The following VWA3B variants were observed in gnomAD, a reference collection of about 807,000 sequenced individuals.
The protein encoded by VWA3B is von Willebrand factor A domain-containing protein 3B.
Under a neutral mutation model 158.3 loss-of-function variants are expected in VWA3B, and 138 were observed. The observed-to-expected ratio is 0.87, with a 90% confidence interval of 0.76 to 1.00. VWA3B has a LOEUF of 1.00. VWA3B is among the 50% of genes least tolerant of loss of function. The pLI is 0.00. For missense variants in VWA3B, 1,555 were observed against 1,565.1 expected, an observed-to-expected ratio of 0.99 and a Z score of 0.11; for synonymous variants, 596 against 587.3, an observed-to-expected ratio of 1.01 and a Z score of -0.21.
intron 7 of VWA3B, among the ~76,000 whole-genome samples, chr2:98,162,023 T>C (rs960095511): frequency 4.6e-5 from 7 of 152,174 alleles, no homozygotes; most frequent in African/African-American, 1.4e-4. Context: ...CATCTATTCT[T>C]TACCCACTTT....
chr2:98,276,475 A>G (rs1340315486), intron 22 of VWA3B, among the ~76,000 whole-genome samples: 1 of 152,266 alleles, frequency 6.6e-6, no homozygotes, highest in African/African-American at 2.4e-5. Flanking sequence ...ATGGATGAGT[A>G]TAAATTGCCA....
rs549305094 is a variant in VWA3B at position 98,238,468 on chromosome 2, G to T, written c.2673+1738G>T. Among the ~76,000 whole-genome samples the T allele has an allele frequency of 3.9e-5, 6 of 152,168 alleles. No individual in the cohort carries two copies. The East Asian group carries it at 1.2e-3, about 29-fold the overall frequency. ...ATATTACTATTCTTGAGTTTTATTT[G>T]GGACGAAATATATTTAGTGAACTCT... On this transcript the variant is annotated intron_variant, in intron 19 of 27. Transcript: ENST00000477737.
chr2:98,319,904 ACACACT>A, the VWA3B span, among the ~76,000 whole-genome samples: 3 of 149,106 alleles, frequency 2.0e-5, no homozygotes, highest in South Asian at 6.3e-4. Context: ...ACACACACAC[ACACACT>A]CACACAACAA....
At chr2:98,198,700 T>C (rs954190074) in intron 12 of VWA3B, among the ~76,000 whole-genome samples, 2 of 152,152 alleles carry the variant, frequency 1.3e-5, no homozygotes, top group Admixed American at 6.6e-5. Context: ...TCCCTCCTGG[T>C]AAACACTGCT....
At chr2:98,194,129 T>C (rs553984708) in intron 11 of VWA3B, among the ~76,000 whole-genome samples, 1 of 152,334 alleles carries the variant, frequency 6.6e-6, no homozygotes, top group African/African-American at 2.4e-5. Flanking sequence ...ACATATATAA[T>C]GTATATTCAT....
chr2:98,188,177 A>G (rs1357246615), intron 10 of VWA3B, 48 bp downstream of exon 10: 3 of 1,573,258 alleles, frequency 1.9e-6, no homozygotes, highest in African/African-American at 2.7e-5. Context: ...CGCTCTGGAC[A>G]TTCTCATCTG....
At chr2:98,284,413 A>G (rs1689050987) in intron 22 of VWA3B, among the ~76,000 whole-genome samples, 1 of 152,202 alleles carries the variant, frequency 6.6e-6, no homozygotes, top group Non-Finnish European at 1.5e-5. Flanking sequence ...GAGCCCACTT[A>G]TTTCCAGAAC....
chr2:98,118,033 G>A (rs761387204), intron 3 of VWA3B, among the ~76,000 whole-genome samples: 4 of 152,182 alleles, frequency 2.6e-5, no homozygotes. Context: ...CATCATGCCA[G>A]GTCCAGCTTA....
intron 16 of VWA3B, among the ~76,000 whole-genome samples, chr2:98,231,908 G>A (rs1176682929): frequency 1.3e-5 from 2 of 152,014 alleles, no homozygotes; most frequent in Non-Finnish European, 2.9e-5. Flanking sequence ...ATTTTGTTGA[G>A]GATTTTGGTA....
chr2:98,264,173 TC>T (rs1012891994), intron 21 of VWA3B, among the ~76,000 whole-genome samples: 9 of 151,054 alleles, frequency 6.0e-5, no homozygotes, highest in African/African-American at 1.9e-4. Flanking sequence ...GTAGGTCTTT[TC>T]AAAAAAAAAC....
chr2:98,236,894 A>T, intron 19 of VWA3B, 164 bp downstream of exon 19: 5 of 1,063,852 alleles, frequency 4.7e-6, no homozygotes, highest in Non-Finnish European at 5.3e-6. Context: ...GCTTTTAAGA[A>T]TTTGGGCGCG....
intron 8 of VWA3B, among the ~76,000 whole-genome samples, chr2:98,179,818 C>CTT (rs1167664881): frequency 1.9e-5 from 2 of 104,804 alleles, no homozygotes; most frequent in African/African-American, 8.2e-5. Flanking sequence ...TTCTTTCTTT[C>CTT]TTTCTTTCTT....
intron 19 of VWA3B, among the ~76,000 whole-genome samples, chr2:98,248,847 CTTT>C (rs1174304010): frequency 0.16 from 5,665 of 34,378 alleles, 177 homozygotes; most frequent in Middle Eastern, 0.23. Context: ...TTCTTTCTTT[CTTT>C]CTTTCTTTCT....
intron 2 of VWA3B, among the ~76,000 whole-genome samples, chr2:98,102,040 C>G (rs1683113377): frequency 6.6e-6 from 1 of 152,066 alleles, no homozygotes; most frequent in South Asian, 2.1e-4. Context: ...GTGTTTGTGT[C>G]CCTTGGTACT....
At chr2:98,145,990 C>G (rs1426992000) in intron 7 of VWA3B, among the ~76,000 whole-genome samples, 3 of 152,150 alleles carry the variant, frequency 2.0e-5, no homozygotes, top group Non-Finnish European at 4.4e-5. Context: ...CTGCCTTGGC[C>G]TCTCAAACTG....
intron 19 of VWA3B, among the ~76,000 whole-genome samples, chr2:98,249,610 T>C (rs1224487016): frequency 6.6e-6 from 1 of 152,056 alleles, no homozygotes; most frequent in Non-Finnish European, 1.5e-5. Flanking sequence ...ATTTACCATC[T>C]TTTCCCCCCG....
intron 22 of VWA3B, among the ~76,000 whole-genome samples, chr2:98,282,628 A>G (rs1412880549): frequency 2.0e-5 from 3 of 151,816 alleles, no homozygotes; most frequent in African/African-American, 4.8e-5. Flanking sequence ...TAGTAGAGAC[A>G]GGGTTTTGCC....
chr2:98,112,482 T>G (rs1674216176), intron 2 of VWA3B, among the ~76,000 whole-genome samples: 1 of 152,116 alleles, frequency 6.6e-6, no homozygotes, highest in Admixed American at 6.5e-5. Flanking sequence ...TTTTCTGATT[T>G]CCACCTTTTC....
intron 7 of VWA3B, among the ~76,000 whole-genome samples, chr2:98,141,237 T>C (rs1486927168): frequency 1.3e-5 from 2 of 152,214 alleles, no homozygotes; most frequent in African/African-American, 4.8e-5. Flanking sequence ...TCTGTGTGTA[T>C]GCGTCTGTTT....
Sources: gnomAD v4.1 joint callset for allele counts (sites outside exome capture counted in the v4.1 genomes callset) on GRCh38, gnomAD v4.1.1 for gene constraint, MANE v1.5 for transcripts, NCBI Gene and HGNC (gene_info 2026-07-23, HGNC 2026-07-21) for gene names.